Variants in DLGAP1 observed in about 807,000 individuals in gnomAD.
DLGAP1 encodes the protein disks large-associated protein 1.
Under a neutral mutation model 90.8 loss-of-function variants are expected in DLGAP1, and 11 were observed. That is an observed-to-expected ratio of 0.12 (90% CI 0.08 to 0.20). The LOEUF (loss-of-function observed/expected upper bound fraction) is 0.20, where lower values mean the gene tolerates loss of function less well. Among genes scored for constraint, DLGAP1 ranks in the 10% least tolerant of loss-of-function variants. DLGAP1 has a pLI of 1.00. For synonymous variants in DLGAP1, 558 were observed against 540.7 expected (o/e 1.03, Z -0.44); for missense variants, 1,050 against 1,333.8 (o/e 0.79, Z 3.31).
chr18:4,096,805 A>T (rs945012480), intron 2 of DLGAP1, among the ~76,000 whole-genome samples: 2 of 152,158 alleles, frequency 1.3e-5, no homozygotes, highest in Non-Finnish European at 2.9e-5. Flanking sequence ...TGGCTTGTCC[A>T]TTTACTAGCT....
At chr18:4,393,151 G>C (rs2082372220) in intron 1 of DLGAP1, among the ~76,000 whole-genome samples, 1 of 152,090 alleles carries the variant, frequency 6.6e-6, no homozygotes, top group African/African-American at 2.4e-5. Flanking sequence ...TTTGTCACTT[G>C]CATACTTGAA....
chr18:4,412,032 C>T (rs1417005253), intron 1 of DLGAP1, among the ~76,000 whole-genome samples: 6 of 152,118 alleles, frequency 3.9e-5, no homozygotes, highest in East Asian at 3.9e-4. Context: ...CAGGGAAGGA[C>T]GTCCTTATCT....
chr18:4,364,095 TG>T, intron 1 of DLGAP1, among the ~76,000 whole-genome samples: 1 of 151,928 alleles, frequency 6.6e-6, no homozygotes, highest in Non-Finnish European at 1.5e-5. Flanking sequence ...GATGAGTTCA[TG>T]TCCTTTGTAG....
chr18:4,418,844 T>C (rs780936152), intron 1 of DLGAP1, among the ~76,000 whole-genome samples: 6 of 104,456 alleles, frequency 5.7e-5, no homozygotes, highest in Non-Finnish European at 7.8e-5. Context: ...AACACCAAAC[T>C]ACAGAGCCAA....
At chr18:4,386,717 C>T (rs754916713) in intron 1 of DLGAP1, among the ~76,000 whole-genome samples, 1 of 152,106 alleles carries the variant, frequency 6.6e-6, no homozygotes, top group Non-Finnish European at 1.5e-5. Flanking sequence ...ATATGGGCAG[C>T]AACTCTTTTA....
chr18:4,231,061 A>T (rs890642416), intron 1 of DLGAP1, among the ~76,000 whole-genome samples: 1 of 152,106 alleles, frequency 6.6e-6, no homozygotes, highest in African/African-American at 2.4e-5. Flanking sequence ...ATACAAATTA[A>T]TTTCAAGATT....
chr18:3,937,986 T>C (rs564285546), intron 3 of DLGAP1, among the ~76,000 whole-genome samples: 15 of 152,196 alleles, frequency 9.9e-5, no homozygotes, highest in Non-Finnish European at 1.9e-4. Context: ...AGGATAAAAG[T>C]ACTCAGCAAG....
At chr18:3,946,189 T>C (rs1415708276) in intron 3 of DLGAP1, among the ~76,000 whole-genome samples, 1 of 152,154 alleles carries the variant, frequency 6.6e-6, no homozygotes, top group Non-Finnish European at 1.5e-5. Context: ...AAGTGATGAA[T>C]ATCTAACATC....
chr18:4,123,708 CA>C (rs1454185658), intron 2 of DLGAP1, among the ~76,000 whole-genome samples: 1 of 152,148 alleles, frequency 6.6e-6, no homozygotes, highest in Non-Finnish European at 1.5e-5. Flanking sequence ...CCTGCGAATA[CA>C]AAAAGCGGAG....
chr18:4,384,588 C>T (rs2082193914), intron 1 of DLGAP1, among the ~76,000 whole-genome samples: 1 of 152,094 alleles, frequency 6.6e-6, no homozygotes, highest in African/African-American at 2.4e-5. Context: ...TCAGGGCTAA[C>T]TCTAGATCAA....
chr18:3,545,013 A>G (rs986885782), intron 9 of DLGAP1, among the ~76,000 whole-genome samples: 2 of 152,152 alleles, frequency 1.3e-5, no homozygotes, highest in Non-Finnish European at 2.9e-5. Flanking sequence ...TCATGCCTGT[A>G]ATCCCAGCAT....
intron 4 of DLGAP1, among the ~76,000 whole-genome samples, chr18:3,862,453 C>G (rs187534017): frequency 6.6e-6 from 1 of 152,194 alleles, no homozygotes; most frequent in Non-Finnish European, 1.5e-5. Flanking sequence ...CAGCAACTAC[C>G]GCCCAAAACT....
At chr18:3,563,494 A>G (rs2054262504) in intron 9 of DLGAP1, among the ~76,000 whole-genome samples, 1 of 148,378 alleles carries the variant, frequency 6.7e-6, no homozygotes, top group African/African-American at 2.5e-5. Context: ...TTTGAGACGG[A>G]ATTTCGCTCT....
intron 7 of DLGAP1, among the ~76,000 whole-genome samples, chr18:3,720,667 A>G (rs1044754995): frequency 6.6e-6 from 1 of 152,078 alleles, no homozygotes; most frequent in African/African-American, 2.4e-5. Context: ...AACCGCTATT[A>G]GTTTGCTATA....
intron 1 of DLGAP1, among the ~76,000 whole-genome samples, chr18:4,369,953 C>T (rs150384724): frequency 5.4e-4 from 82 of 151,468 alleles, no homozygotes; most frequent in African/African-American, 2.0e-3. Context: ...GGGTGTGATA[C>T]GGTTATGATC....
Position 3,628,026 on chromosome 18 carries a change from G to A in DLGAP1, c.1592-45778C>T, listed in dbSNP as rs555032306. Among the ~76,000 whole-genome samples, 85 of 151,070 alleles carry A rather than the reference G, an allele frequency of 5.6e-4. 2 individuals are homozygous for A. The South Asian group carries it at 0.01, about 18-fold the overall frequency. On this transcript the variant is annotated intron_variant, in intron 7 of 12. Transcript: ENST00000315677. ...CCCGAGTAGCTGGGATTACAGGCGC[G>A]CACCACACCTGGCTAATTTTTGTAT... is the stretch of plus-strand genomic sequence containing the variant.
At chr18:3,889,329 G>T (rs928846365) in intron 3 of DLGAP1, among the ~76,000 whole-genome samples, 2 of 152,080 alleles carry the variant, frequency 1.3e-5, no homozygotes, top group African/African-American at 2.4e-5. Context: ...TGTCTAGATT[G>T]CTCATGACTA....
intron 7 of DLGAP1, among the ~76,000 whole-genome samples, chr18:3,677,357 A>G (rs1046749551): frequency 1.4e-4 from 21 of 152,208 alleles, no homozygotes; most frequent in African/African-American, 5.1e-4. Flanking sequence ...TCAGCTCTCT[A>G]CTGGTTTCAT....
intron 9 of DLGAP1, among the ~76,000 whole-genome samples, chr18:3,554,641 C>T: frequency 6.6e-6 from 1 of 152,144 alleles, no homozygotes. Context: ...ATTTGTGATG[C>T]TCCATTTCAA....
Sources: allele counts gnomAD v4.1 joint callset (sites outside exome capture counted in the v4.1 genomes callset), GRCh38; gene constraint gnomAD v4.1.1; transcripts MANE v1.5; gene names NCBI Gene and HGNC (gene_info 2026-07-23, HGNC 2026-07-21).